Variants in AFF2 observed in about 807,000 individuals in gnomAD.
AFF2 encodes the protein ALF transcription elongation factor 2.
Under a neutral mutation model 76.9 loss-of-function variants are expected in AFF2, and 14 were observed. That is an observed-to-expected ratio of 0.18 (90% CI 0.12 to 0.28). AFF2 has a LOEUF of 0.28. Among genes scored for constraint, AFF2 ranks in the 10% least tolerant of loss-of-function variants. The pLI, the probability that AFF2 is intolerant of heterozygous loss-of-function variation, is 1.00. For synonymous variants in AFF2, 398 were observed against 366.7 expected (o/e 1.09, Z -0.98); for missense variants, 868 against 1,001.1 (o/e 0.87, Z 1.79).
intron 9 of AFF2, among the ~76,000 whole-genome samples, chrX:148,934,934 G>A (rs1236801598): frequency 3.6e-5 from 4 of 111,739 alleles, no homozygotes; most frequent in Non-Finnish European, 7.5e-5. Flanking sequence ...TATGTTTAAA[G>A]ATTTTAGGAC....
Position 148,500,619 on chromosome X carries a change from CGCCGCCTGTGCAGCCGCT to C in AFF2, c.-472_-455del, listed in dbSNP as rs1255647887. ...TGTGTGATGCTGCCGCGGCCGCCGC[CGCCGCCTGTGCAGCCGCT>C]GCCGCCGCCGCCGCCGCCGCCGCCG... On this transcript the variant is annotated 5_prime_UTR_variant, in exon 1 of 21. Coordinates refer to ENST00000370460, the MANE Select transcript of AFF2 (RefSeq NM_002025.4). The C allele has an allele frequency of 3.9e-5, 4 of 101,998 alleles. No individual in the cohort carries two copies. The highest frequency in any genetic ancestry group is 1.0e-4 in the Admixed American group (1 of 9,558). The allele number at this position is 101,998 out of a possible 1,213,427, so 8.4% of individuals were successfully genotyped here. A position where few individuals can be genotyped will look rare whatever the true frequency, so the allele number is the denominator to read the frequency against.
At chrX:148,572,089 G>T (rs1341393746) in intron 1 of AFF2, among the ~76,000 whole-genome samples, 1 of 109,120 alleles carries the variant, frequency 9.2e-6, no homozygotes, top group African/African-American at 3.3e-5. Context: ...TTAAAAATTG[G>T]CAAAGCATCT....
chrX:148,928,659 G>C (rs1557284063), intron 9 of AFF2, among the ~76,000 whole-genome samples: 1 of 112,265 alleles, frequency 8.9e-6, no homozygotes, highest in Non-Finnish European at 1.9e-5. Flanking sequence ...GAGGCTCCAA[G>C]ATGGCACTCA....
At chrX:148,526,788 T>C (rs893909019) in intron 1 of AFF2, among the ~76,000 whole-genome samples, 3 of 111,621 alleles carry the variant, frequency 2.7e-5, no homozygotes, top group Admixed American at 1.9e-4. Context: ...CATGATGTTA[T>C]AATGATCTCA....
intron 7 of AFF2, among the ~76,000 whole-genome samples, chrX:148,859,520 A>G (rs1557276219): frequency 1.8e-5 from 2 of 110,989 alleles, no homozygotes; most frequent in South Asian, 3.7e-4. Context: ...GAATAACTAT[A>G]AACAACTGAA....
intron 7 of AFF2, among the ~76,000 whole-genome samples, chrX:148,873,431 T>G (rs1442658753): frequency 9.1e-6 from 1 of 109,410 alleles, no homozygotes; most frequent in Admixed American, 1.0e-4. Flanking sequence ...TTTCTTCTGT[T>G]GAAATAGACT....
At chrX:148,725,228 C>T (rs2124546136) in intron 3 of AFF2, among the ~76,000 whole-genome samples, 1 of 110,841 alleles carries the variant, frequency 9.0e-6, no homozygotes, top group South Asian at 3.9e-4. Flanking sequence ...CCCACAGGGA[C>T]CCTGTGAGCA....
intron 1 of AFF2, among the ~76,000 whole-genome samples, chrX:148,507,852 G>A (rs1453290758): frequency 2.7e-5 from 3 of 112,030 alleles, no homozygotes; most frequent in Non-Finnish European, 3.8e-5. Context: ...TGAAAAAAAT[G>A]ACATGATTTA....
At chrX:148,595,946 G>A (rs1489728408) in intron 1 of AFF2, among the ~76,000 whole-genome samples, 1 of 111,942 alleles carries the variant, frequency 8.9e-6, no homozygotes, top group Non-Finnish European at 1.9e-5. Context: ...ATAAGCAATT[G>A]CTTGTTGAGA....
intron 18 of AFF2, among the ~76,000 whole-genome samples, chrX:148,979,350 G>T (rs1557290633): frequency 8.9e-6 from 1 of 112,335 alleles, no homozygotes; most frequent in Non-Finnish European, 1.9e-5. Context: ...ATGTTTCCCA[G>T]CTATTATGTG....
intron 7 of AFF2, among the ~76,000 whole-genome samples, chrX:148,884,722 C>T (rs781946156): frequency 8.9e-6 from 1 of 112,333 alleles, no homozygotes; most frequent in Non-Finnish European, 1.9e-5. Context: ...GAATTACGGA[C>T]TAGTGGGGAG....
At chrX:148,798,472 A>G (rs1375066907) in intron 3 of AFF2, among the ~76,000 whole-genome samples, 1 of 112,562 alleles carries the variant, frequency 8.9e-6, no homozygotes, top group African/African-American at 3.2e-5. Context: ...GGTGCAATGC[A>G]TATTTGTCAT....
At chrX:148,910,377 A>G (rs1474884013) in intron 9 of AFF2, among the ~76,000 whole-genome samples, 2 of 112,584 alleles carry the variant, frequency 1.8e-5, no homozygotes, top group Non-Finnish European at 3.7e-5. Flanking sequence ...TGCTGAGGAA[A>G]TTAAAAGTAA....
chrX:148,827,767 T>C (rs1287626341), intron 4 of AFF2, among the ~76,000 whole-genome samples: 1 of 112,274 alleles, frequency 8.9e-6, no homozygotes, highest in Non-Finnish European at 1.9e-5. Context: ...CACCAGACCC[T>C]GTACCGGGAC....
chrX:148,631,337 GT>G (rs2053978888), intron 1 of AFF2, among the ~76,000 whole-genome samples: 1 of 111,833 alleles, frequency 8.9e-6, no homozygotes, highest in Admixed American at 9.5e-5. Flanking sequence ...CTTTAAGAAA[GT>G]TTTTAGAGAG....
chrX:148,698,560 A>G (rs1041074093), intron 3 of AFF2, among the ~76,000 whole-genome samples: 1 of 112,488 alleles, frequency 8.9e-6, no homozygotes, highest in Non-Finnish European at 1.9e-5. Flanking sequence ...TTTATCTACT[A>G]TGAAAAAGTA....
intron 3 of AFF2, among the ~76,000 whole-genome samples, chrX:148,668,366 C>T (rs782003396): frequency 8.9e-6 from 1 of 112,552 alleles, no homozygotes; most frequent in Non-Finnish European, 1.9e-5. Flanking sequence ...AGGTTGGTGG[C>T]CTTCTTCTCA....
At chrX:148,808,566 G>GGGAA (rs2070165511) in intron 3 of AFF2, among the ~76,000 whole-genome samples, 1 of 111,901 alleles carries the variant, frequency 8.9e-6, no homozygotes, top group South Asian at 3.7e-4. Context: ...ATTTTTGAGA[G>GGGAA]GGAAAGGGAA....
At chrX:148,842,403 C>T (rs1315877275) in intron 5 of AFF2, among the ~76,000 whole-genome samples, 1 of 112,609 alleles carries the variant, frequency 8.9e-6, no homozygotes, top group African/African-American at 3.2e-5. Flanking sequence ...TTCTATACTT[C>T]GACAGACTTG....
Sources: allele counts gnomAD v4.1 joint callset (sites outside exome capture counted in the v4.1 genomes callset), GRCh38; gene constraint gnomAD v4.1.1; transcripts MANE v1.5; gene names NCBI Gene and HGNC (gene_info 2026-07-23, HGNC 2026-07-21).